The following GRM8 variants were observed in gnomAD, a reference collection of about 807,000 sequenced individuals.
GRM8 encodes metabotropic glutamate receptor 8.
A neutral mutation model predicts 87.2 loss-of-function variants in GRM8; 47 were observed. That is an observed-to-expected ratio of 0.54 (90% confidence interval 0.43 to 0.69). The LOEUF is 0.69. Ranked by LOEUF, GRM8 falls within the 30% of genes least tolerant of loss-of-function variation. The pLI, the probability that GRM8 is intolerant of heterozygous loss-of-function variation, is 0.00. For missense variants in GRM8, 1,019 were observed against 1,139.2 expected (o/e 0.89, Z 1.52); for synonymous variants, 396 against 404.5 (o/e 0.98, Z 0.25).
chr7:127,097,875 A>C (rs758293877), intron 3 of GRM8, among the ~76,000 whole-genome samples: 2 of 152,242 alleles, frequency 1.3e-5, no homozygotes, highest in African/African-American at 2.4e-5. Flanking sequence ...CATTAGAATC[A>C]TAGGTTTTAA....
At chr7:126,830,615 T>TC (rs1231207783) in intron 6 of GRM8, among the ~76,000 whole-genome samples, 1 of 152,234 alleles carries the variant, frequency 6.6e-6, no homozygotes, top group Non-Finnish European at 1.5e-5. Context: ...TTAATTTTTT[T>TC]CAAAGTTTTC....
intron 3 of GRM8, among the ~76,000 whole-genome samples, chr7:127,010,745 G>A (rs1814804909): frequency 6.6e-6 from 1 of 152,098 alleles, no homozygotes; most frequent in Admixed American, 6.6e-5. Context: ...TTGAACAAAT[G>A]CTTATCAATC....
chr7:126,862,688 T>C (rs1185736069), intron 6 of GRM8, among the ~76,000 whole-genome samples: 1 of 152,078 alleles, frequency 6.6e-6, no homozygotes, highest in Admixed American at 6.6e-5. Context: ...TATGTTGATA[T>C]TGAAAATTTA....
At chr7:126,624,194 T>G (rs1481177509) in intron 7 of GRM8, among the ~76,000 whole-genome samples, 1 of 152,204 alleles carries the variant, frequency 6.6e-6, no homozygotes, top group Non-Finnish European at 1.5e-5. Flanking sequence ...CTTCAATGGC[T>G]TCCCATTTCA....
intron 3 of GRM8, among the ~76,000 whole-genome samples, chr7:126,988,074 TA>T (rs5887321): frequency 0.34 from 50,328 of 147,948 alleles, 8,475 homozygotes; most frequent in Non-Finnish European, 0.38. Context: ...GCTCTTCGTT[TA>T]AAAAAAAAAA....
intron 9 of GRM8, among the ~76,000 whole-genome samples, chr7:126,468,002 C>T (rs909742868): frequency 1.3e-5 from 2 of 151,920 alleles, no homozygotes; most frequent in Admixed American, 1.3e-4. Context: ...CTTCAATTTC[C>T]TCATCTATAA....
intron 3 of GRM8, among the ~76,000 whole-genome samples, chr7:127,015,172 GAA>G (rs1491558818): frequency 2.2e-4 from 12 of 55,008 alleles, no homozygotes; most frequent in Non-Finnish European, 1.1e-4. Flanking sequence ...AGGAGAAGGA[GAA>G]GGAGAAGAAG....
At chr7:127,077,367 C>T (rs1261580341) in intron 3 of GRM8, among the ~76,000 whole-genome samples, 1 of 152,170 alleles carries the variant, frequency 6.6e-6, no homozygotes, top group Non-Finnish European at 1.5e-5. Flanking sequence ...ACTGTATTCC[C>T]CTAAACCTTA....
rs1263091347 is a variant in GRM8 at position 127,242,814 on chromosome 7, C to T, written c.391G>A (p.Val131Met). 1.9e-6 allele frequency: 3 copies of T among 1,614,170 alleles called. No homozygotes were observed. The highest frequency in any genetic ancestry group is 3.3e-5 in the Admixed American group (2 of 60,024). Residue 131 changes from valine (V) to methionine (M), a missense_variant, in exon 2 of 11, where the codon GTG becomes ATG. Val to Met is a conservative substitution (Grantham distance 21). Coordinates refer to ENST00000339582, the MANE Select transcript of GRM8 (RefSeq NM_000845.3). ...GGTGGATCTCCATTAGCACACTTCA[C>T]ATCCGAAGCATCTTTCTCTATTAAT... ...QALIEKDASD[V>M]KCANGDPPIF...
At chr7:126,746,020 G>A (rs1482077502) in intron 7 of GRM8, among the ~76,000 whole-genome samples, 1 of 151,566 alleles carries the variant, frequency 6.6e-6, no homozygotes, top group Non-Finnish European at 1.5e-5. Context: ...AAAGCTAAGA[G>A]AATACTGCTT....
chr7:126,913,739 T>C (rs1169179029), intron 3 of GRM8, among the ~76,000 whole-genome samples: 1 of 152,226 alleles, frequency 6.6e-6, no homozygotes, highest in Non-Finnish European at 1.5e-5. Flanking sequence ...ATAAGTGTAA[T>C]CACGCCTCCT....
At chr7:126,898,162 A>G (rs189503367) in intron 6 of GRM8, among the ~76,000 whole-genome samples, 13 of 152,298 alleles carry the variant, frequency 8.5e-5, no homozygotes, top group Admixed American at 8.5e-4. Context: ...AGAGTGCCTT[A>G]ACTTTTTGAC....
chr7:126,652,358 G>A (rs1366901837), intron 7 of GRM8, among the ~76,000 whole-genome samples: 2 of 152,108 alleles, frequency 1.3e-5, no homozygotes, highest in Non-Finnish European at 2.9e-5. Context: ...TCGACAAGGC[G>A]TAGACTTACA....
At chr7:127,035,986 T>G (rs1032808811) in intron 3 of GRM8, among the ~76,000 whole-genome samples, 1 of 152,206 alleles carries the variant, frequency 6.6e-6, no homozygotes, top group Admixed American at 6.5e-5. Context: ...GGCTTTTAAT[T>G]ACCAACTACT....
chr7:126,566,191 C>T (rs922763192), intron 8 of GRM8, among the ~76,000 whole-genome samples: 1 of 152,134 alleles, frequency 6.6e-6, no homozygotes, highest in African/African-American at 2.4e-5. Context: ...AGAGGCACTA[C>T]ATCAACCAAA....
chr7:127,120,151 A>G (rs1826947722), intron 2 of GRM8, among the ~76,000 whole-genome samples: 1 of 152,140 alleles, frequency 6.6e-6, no homozygotes, highest in African/African-American at 2.4e-5. Flanking sequence ...AGTGCCACAC[A>G]CTTTCCAATT....
At chr7:126,616,449 C>T (rs1275129484) in intron 7 of GRM8, among the ~76,000 whole-genome samples, 1 of 152,154 alleles carries the variant, frequency 6.6e-6, no homozygotes, top group Non-Finnish European at 1.5e-5. Context: ...GACACCCTAA[C>T]ATCACAATTA....
chr7:127,139,729 A>G (rs770301394), intron 2 of GRM8, among the ~76,000 whole-genome samples: 1 of 152,154 alleles, frequency 6.6e-6, no homozygotes, highest in African/African-American at 2.4e-5. Flanking sequence ...GTAGACCAAG[A>G]CTGGGCAGTA....
intron 2 of GRM8, among the ~76,000 whole-genome samples, chr7:127,212,244 T>C (rs1796252749): frequency 6.6e-6 from 1 of 152,188 alleles, no homozygotes; most frequent in African/African-American, 2.4e-5. Flanking sequence ...TTCGCTGTTT[T>C]TGAGCTGTCA....
Sources: gnomAD v4.1 joint callset for allele counts (sites outside exome capture counted in the v4.1 genomes callset) on GRCh38, gnomAD v4.1.1 for gene constraint, MANE v1.5 for transcripts, NCBI Gene and HGNC (gene_info 2026-07-23, HGNC 2026-07-21) for gene names.